WDR73: variants seen among roughly 807,000 people sequenced by gnomAD.
WDR73 encodes the protein WD repeat domain 73.
Under a neutral mutation model 38.2 loss-of-function variants are expected in WDR73, and 30 were observed. That is an observed-to-expected ratio of 0.79 (90% CI 0.59 to 1.06). The LOEUF (loss-of-function observed/expected upper bound fraction) is 1.06. WDR73 is among the 50% of genes least tolerant of loss of function. The probability of loss-of-function intolerance (pLI) is 0.00; values close to 1 mark genes in which losing one functional copy is unlikely to be tolerated. For missense variants in WDR73, 487 were observed against 467.0 expected, an observed-to-expected ratio of 1.04 and a Z score of -0.40; for synonymous variants, 197 against 176.0, an observed-to-expected ratio of 1.12 and a Z score of -0.94.
At position 84,654,246 on chromosome 15, in the gene WDR73, T is replaced by C. The variant is rs759400969; in HGVS notation, c.29A>G (p.Glu10Gly). 1.9e-5 allele frequency: 31 copies of C among 1,613,906 alleles called. No individual in the cohort carries two copies. The African/African-American group carries it at 3.6e-4, about 19-fold the overall frequency. MDPGDDWLVESLRLYQDFYA... is the reference protein window; with the variant it reads MDPGDDWLVGSLRLYQDFYA... ...CCGTACGATTTACAAGCGCAAGGAT[T>C]CCACCAGCCAGTCGTCCCCAGGATC... The change falls in exon 1 of 8, where the codon GAA (glutamate) becomes GGA (glycine). Residue 10 changes from glutamate (E) to glycine (G), a missense_variant. Transcript: ENST00000434634.
At chr15:84,648,691 G>GT in intron 3 of WDR73, 66 bp from the exon 4 acceptor site, 1 of 1,306,594 alleles carries the variant, frequency 7.7e-7, no homozygotes, top group Non-Finnish European at 1.1e-6. Flanking sequence ...GGAACTCTAA[G>GT]TGAGGAGTCA....
chr15:84,647,851 T>C (rs752034504), intron 5 of WDR73, 39 bp downstream of exon 5: 5 of 1,606,790 alleles, frequency 3.1e-6, no homozygotes, highest in African/African-American at 1.3e-5. Context: ...AGTCACACTT[T>C]CCTAGAACCC....
Position 84,643,694 on chromosome 15 carries a change from C to A in WDR73, c.913G>T (p.Ala305Ser). The A allele has an allele frequency of 6.2e-7, 1 of 1,613,048 alleles. No homozygotes were observed. Among genetic ancestry groups the A allele is most frequent in the Non-Finnish European group, 8.5e-7 (1 of 1,179,470 alleles). Reference sequence around the variant, plus strand: ...CTCCGTGTTCCATCCCAAGATGTGGCATCATAGACCTGGACTGTACCATCA... The same window carrying A: ...CTCCGTGTTCCATCCCAAGATGTGGAATCATAGACCTGGACTGTACCATCA... Reference protein sequence around the residue: ...GFDGTVQVYDATSWDGTRSQD... With the variant: ...GFDGTVQVYDSTSWDGTRSQD... Residue 305 changes from alanine to serine, a missense_variant, in exon 8 of 8, where the codon GCC becomes TCC. Transcript: ENST00000434634.
chr15:84,649,546 T>C (rs948430466), intron 3 of WDR73, among the ~76,000 whole-genome samples: 1 of 151,952 alleles, frequency 6.6e-6, no homozygotes, highest in Non-Finnish European at 1.5e-5. Flanking sequence ...CTTGGCTCAC[T>C]GCAACCTCTG....
rs773552489 is a variant in WDR73, at chr15:84,643,524, T to G, written c.1083A>C (p.Thr361=). The stretch of plus-strand genomic sequence containing the variant: ...CCCACACATGCAGAGAGGCATCATT[T>G]GTTGCTGATAACAAAGTCCTTGGTC... The part of the protein sequence containing the change: ...PCRPRTLLSA[T]NDASLHVWDW... Residue 361 remains threonine, a synonymous_variant, in exon 8 of 8, where the codon ACA becomes ACC. Transcript: ENST00000434634. 2 of 1,594,402 alleles carry G rather than the reference T, an allele frequency of 1.3e-6. No homozygotes were observed. The highest frequency in any genetic ancestry group is 4.5e-5 in the East Asian group (2 of 44,232).
rs1423613638 is a variant in WDR73, at chr15:84,642,571, A to G, written c.*899T>C. ...AAACTTCAACTGCCAGGCTCAGGCA[A>G]CCCTCCCACCTCAGCCTCTTGAATA... On this transcript the variant is annotated 3_prime_UTR_variant, in exon 8 of 8. Coordinates refer to ENST00000434634, the MANE Select transcript of WDR73 (RefSeq NM_032856.5). The G allele has an allele frequency of 6.6e-6, 1 of 151,086 alleles. No homozygotes were observed. The highest frequency in any genetic ancestry group is 1.5e-5 in the Non-Finnish European group (1 of 67,848). The allele number at this position is 151,086 out of a possible 1,614,324, so 9.4% of individuals were successfully genotyped here. A position where few individuals can be genotyped will look rare whatever the true frequency, so the allele number is the denominator to read the frequency against.
chr15:84,654,134 C>T (rs1896714718), intron 1 of WDR73, 100 bp downstream of exon 1: 6 of 1,517,458 alleles, frequency 4.0e-6, no homozygotes, highest in Non-Finnish European at 5.5e-6. Context: ...ACAGCTGGCC[C>T]ACTCTGCACC....
intron 2 of WDR73, chr15:84,653,336 A>G: frequency 3.1e-6 from 1 of 318,124 alleles, no homozygotes; most frequent in Admixed American, 4.2e-5. Context: ...CGTCCGGCTA[A>G]TTTTTGTATT....
In WDR73 at chr15:84,639,904, C is replaced by T. The variant is rs1178007001; in HGVS notation, c.*3566G>A. 2.0e-5 allele frequency: 3 copies of T among 152,418 alleles called. No individual in the cohort carries two copies. The East Asian group carries it at 5.8e-4, about 29-fold the overall frequency. The allele number at this position is 152,418 out of a possible 1,614,324, so 9.4% of individuals were successfully genotyped here. A position where few individuals can be genotyped will look rare whatever the true frequency, so the allele number is the denominator to read the frequency against. The stretch of plus-strand genomic sequence containing the variant: ...TGCTATCGGTTCAAAAACCTCCTGA[C>T]CGACTACTGCAAAGCCAGGAGCACC... On this transcript the variant is annotated 3_prime_UTR_variant, in exon 8 of 8. Coordinates refer to ENST00000434634, the MANE Select transcript of WDR73 (RefSeq NM_032856.5).
intron 3 of WDR73, among the ~76,000 whole-genome samples, chr15:84,651,097 AGAGT>A (rs1418170966): frequency 6.6e-6 from 1 of 151,412 alleles, no homozygotes; most frequent in Non-Finnish European, 1.5e-5. Context: ...CCTAGGTGAC[AGAGT>A]GAGACCTCAA....
chr15:84,646,396 G>T (rs1411662878), intron 5 of WDR73, 48 bp from the exon 6 acceptor site: 16 of 1,572,712 alleles, frequency 1.0e-5, no homozygotes, highest in Non-Finnish European at 1.4e-5. Context: ...ATGAAGGTTT[G>T]AAACATGACA....
intron 1 of WDR73, 160 bp downstream of exon 1, chr15:84,654,074 T>C: frequency 3.3e-6 from 3 of 922,932 alleles, no homozygotes; most frequent in Admixed American, 2.3e-5. Context: ...TTCCTAGAGA[T>C]GGGGGCCTAG....
Position 84,645,463 on chromosome 15 carries a change from G to T in WDR73, c.883+8C>A. On this transcript the variant is annotated splice_region_variant and intron_variant, in intron 7 of 7. Transcript: ENST00000434634. ...CAGATAACAAGACGAAATCCTGCTC[G>T]GCAGTACCTGAGATGGCCAAGCAAT... 6.2e-7 allele frequency: 1 copy of T among 1,611,162 alleles called. No homozygotes were observed.
At chr15:84,650,697 G>A (rs1291915762) in intron 3 of WDR73, among the ~76,000 whole-genome samples, 1 of 152,150 alleles carries the variant, frequency 6.6e-6, no homozygotes, top group Non-Finnish European at 1.5e-5. Flanking sequence ...GTTTCACCAT[G>A]TTGGCCAGGC....
intron 3 of WDR73, 37 bp downstream of exon 3, chr15:84,652,677 A>G: frequency 8.2e-7 from 1 of 1,224,992 alleles, no homozygotes; most frequent in Non-Finnish European, 1.1e-6. Context: ...ATAAATAAAT[A>G]AAAGTTGACA....
intron 5 of WDR73, 74 bp downstream of exon 5, chr15:84,647,816 T>G: frequency 6.9e-7 from 1 of 1,450,310 alleles, no homozygotes; most frequent in Non-Finnish European, 9.7e-7. Context: ...CTTAACTGGC[T>G]CAGATTAGGG....
chr15:84,653,023 A>G (rs1896672526), intron 2 of WDR73: 1 of 416,236 alleles, frequency 2.4e-6, no homozygotes, highest in African/African-American at 2.1e-5. Flanking sequence ...GGCTCAAGTG[A>G]TCCTCCCACC....
At chr15:84,648,492 C>G (rs780874174) in intron 4 of WDR73, 45 bp downstream of exon 4, 3 of 1,428,306 alleles carry the variant, frequency 2.1e-6, no homozygotes, top group East Asian at 2.3e-5. Context: ...TGCAGCCATC[C>G]CATCCCATCC....
chr15:84,647,625 T>C (rs574251327), intron 5 of WDR73: 1 of 450,980 alleles, frequency 2.2e-6, no homozygotes, highest in Non-Finnish European at 4.1e-6. Context: ...GTCTCCCCAG[T>C]AGCAGGGATT....
Sources: gnomAD v4.1 joint callset for allele counts (sites outside exome capture counted in the v4.1 genomes callset) on GRCh38, gnomAD v4.1.1 for gene constraint, MANE v1.5 for transcripts, NCBI Gene and HGNC (gene_info 2026-07-23, HGNC 2026-07-21) for gene names.